The following CYP1A2 variants were observed in gnomAD, a reference collection of about 807,000 sequenced individuals.
CYP1A2 encodes cytochrome P450 1A2.
A neutral mutation model predicts 34.7 loss-of-function variants in CYP1A2; 35 were observed. That is an observed-to-expected ratio of 1.01 (90% confidence interval 0.77 to 1.34). CYP1A2 has a LOEUF of 1.34. Among genes scored for constraint, CYP1A2 ranks in the 40% most tolerant of loss-of-function variants. The probability of loss-of-function intolerance (pLI) is 0.00; values close to 1 mark genes in which losing one functional copy is unlikely to be tolerated. For synonymous variants in CYP1A2, 288 were observed against 281.9 expected, an observed-to-expected ratio of 1.02 and a Z score of -0.22; for missense variants, 675 against 675.8, an observed-to-expected ratio of 1.00 and a Z score of 0.01.
chr15:74,754,047 C>T (rs2063327702), intron 6 of CYP1A2, among the ~76,000 whole-genome samples: 1 of 151,956 alleles, frequency 6.6e-6, no homozygotes, highest in Admixed American at 6.6e-5. Context: ...GATGAAGAAA[C>T]GTATGTCTTT....
Position 74,756,477 on chromosome 15 carries a change from G to A in CYP1A2, c.*1389G>A, listed in dbSNP as rs1160747450. On this transcript the variant is annotated 3_prime_UTR_variant, in exon 7 of 7. Coordinates refer to ENST00000343932, the MANE Select transcript of CYP1A2 (RefSeq NM_000761.5). The stretch of plus-strand genomic sequence containing the variant: ...AAAAGAAACCCTGCACCCATTAGCA[G>A]TCCCTCCACATTTCCCCCTAGCCTG... 2.6e-5 allele frequency among the ~76,000 whole-genome samples: 4 copies of A among 152,076 alleles called. No individual in the cohort carries two copies. In the East Asian group the frequency reaches 5.8e-4, roughly 22 times the overall value.
At position 74,750,324 on chromosome 15, in the gene CYP1A2, G is replaced by T; in HGVS notation, c.586G>T (p.Val196Leu). 6.2e-7 allele frequency: 1 copy of T among 1,614,082 alleles called. No homozygotes were observed. The stretch of plus-strand genomic sequence containing the variant: ...CCCTTACAATCAGGTGGTGGTGTCA[G>T]TGGCCAACGTCATTGGTGCCATGTG... The part of the protein sequence containing the change: ...FDPYNQVVVS[V>L]ANVIGAMCFG... Residue 196 changes from valine (V) to leucine (L), a missense_variant, in exon 2 of 7, where the codon GTG becomes TTG. Val to Leu is a conservative substitution (Grantham distance 32). Transcript: ENST00000343932.
At chr15:74,752,690 T>C (rs546757082) in intron 5 of CYP1A2, among the ~76,000 whole-genome samples, 1 of 152,260 alleles carries the variant, frequency 6.6e-6, no homozygotes, top group East Asian at 1.9e-4. Context: ...GCTTCATTCC[T>C]GATGTCTTAT....
At position 74,752,151 on chromosome 15, in the gene CYP1A2, C is replaced by T; in HGVS notation, c.1070C>T (p.Pro357Leu). 1.9e-6 allele frequency: 3 copies of T among 1,613,982 alleles called. No individual in the cohort carries two copies. Among genetic ancestry groups the T allele is most frequent in the Admixed American group, 1.7e-5 (1 of 60,000 alleles). ...ACTGTGATTGGCAGGGAGCGGCGGCCCCGGCTCTCTGACAGACCCCAGCTG... is the reference window on the plus strand; with the variant it reads ...ACTGTGATTGGCAGGGAGCGGCGGCTCCGGCTCTCTGACAGACCCCAGCTG... ...LDTVIGRERR[P>L]RLSDRPQLPY... The change falls in exon 5 of 7, where the codon CCC becomes CTC. Residue 357 changes from proline to leucine, a missense_variant. Transcript: ENST00000343932.
intron 1 of CYP1A2, among the ~76,000 whole-genome samples, chr15:74,749,481 T>C (rs1822513282): frequency 6.6e-6 from 1 of 152,076 alleles, no homozygotes; most frequent in Non-Finnish European, 1.5e-5. Flanking sequence ...ACTGAGATGA[T>C]GTGTGGAGGA....
Position 74,755,042 on chromosome 15 carries a change from C to T in CYP1A2, c.1505C>T (p.Ala502Val). 6.2e-7 allele frequency: 1 copy of T among 1,614,012 alleles called. No homozygotes were observed. Among genetic ancestry groups the T allele is most frequent in the South Asian group, 1.1e-5 (1 of 91,092 alleles). Residue 502 changes from alanine to valine, a missense_variant, in exon 7 of 7, where the codon GCC (alanine) becomes GTC (valine). Ala to Val is a moderately conservative substitution (Grantham distance 64). Transcript: ENST00000343932. ...TPIYGLTMKHARCEHVQARLR... is the reference protein window; with the variant it reads ...TPIYGLTMKHVRCEHVQARLR... ...ATCTACGGGCTGACCATGAAGCACG[C>T]CCGCTGTGAACATGTCCAGGCGCGG...
At chr15:74,749,598 C>G in intron 1 of CYP1A2, 132 bp from the exon 2 acceptor site, 1 of 734,950 alleles carries the variant, frequency 1.4e-6, no homozygotes, top group African/African-American at 1.7e-5. Context: ...GTAGATGGAG[C>G]TTAGTCTTTC....
At chr15:74,752,305 C>A in intron 5 of CYP1A2, 58 bp downstream of exon 5, 1 of 1,601,758 alleles carries the variant, frequency 6.2e-7, no homozygotes, top group East Asian at 2.2e-5. Context: ...TTTTCTCTTC[C>A]TGGCTTCTCA....
chr15:74,755,134 C>T lies in CYP1A2; in HGVS notation c.*46C>T, dbSNP rs1187887401. ...GGCCAGGGAGCGAGTGGGGGCCAGC[C>T]ACGGGGACTCAGCCCTTGTTTCTCT... On this transcript the variant is annotated 3_prime_UTR_variant, in exon 7 of 7. Coordinates refer to ENST00000343932, the MANE Select transcript of CYP1A2 (RefSeq NM_000761.5). The T allele has an allele frequency of 3.8e-6, 6 of 1,571,236 alleles. No individual in the cohort carries two copies. The highest frequency in any genetic ancestry group is 3.5e-6 in the Non-Finnish European group (4 of 1,156,056).
In CYP1A2 at chr15:74,749,836, C is replaced by G. The variant is rs775486408; in HGVS notation, c.98C>G (p.Pro33Arg). ...TTCTGGGTGCTCAAGGGTTTGAGGC[C>G]TCGGGTCCCCAAAGGCCTGAAAAGT... The part of the protein sequence containing the change: ...LVFWVLKGLR[P>R]RVPKGLKSPP... The change falls in exon 2 of 7, where the codon CCT becomes CGT. Residue 33 changes from proline to arginine, a missense_variant. Pro to Arg is a moderately radical substitution (Grantham distance 103). Transcript: ENST00000343932. The G allele has an allele frequency of 6.2e-7, 1 of 1,605,702 alleles. No homozygotes were observed. The highest frequency in any genetic ancestry group is 1.7e-5 in the Admixed American group (1 of 59,564).
intron 2 of CYP1A2, 151 bp from the exon 3 acceptor site, chr15:74,751,038 C>T: frequency 2.0e-6 from 2 of 1,018,906 alleles, no homozygotes; most frequent in Non-Finnish European, 2.8e-6. Context: ...CTGCTACCAG[C>T]TCCTGCTGCA....
Position 74,753,194 on chromosome 15 carries a change from G to T in CYP1A2, c.1177G>T (p.Asp393Tyr). Residue 393 changes from aspartate (D) to tyrosine (Y), a missense_variant, in exon 6 of 7, where the codon GAC (aspartate) becomes TAC (tyrosine). Asp to Tyr is a radical substitution (Grantham distance 160). Coordinates refer to ENST00000343932, the MANE Select transcript of CYP1A2 (RefSeq NM_000761.5). ...PFTIPHSTTR[D>Y]TTLNGFYIPK... ...CTCTTCCCTCCTCAGCACAACAAGG[G>T]ACACAACGCTGAATGGCTTCTACAT... The T allele has an allele frequency of 6.2e-7, 1 of 1,613,538 alleles. No individual in the cohort carries two copies. The highest frequency in any genetic ancestry group is 1.1e-5 in the South Asian group (1 of 91,044).
chr15:74,750,098 C>T lies in CYP1A2; in HGVS notation c.360C>T (p.Gly120=). The change falls in exon 2 of 7, where the codon GGC becomes GGT. Residue 120 remains glycine, a synonymous_variant. Coordinates refer to ENST00000343932, the MANE Select transcript of CYP1A2 (RefSeq NM_000761.5). ...ACACCTCCACCCTCATCACTGATGG[C>T]CAGAGCTTGACCTTCAGCACAGACT... ...DLYTSTLITD[G]QSLTFSTDSG... is the part of the protein sequence containing the mutation. 6.2e-7 allele frequency: 1 copy of T among 1,614,024 alleles called. No homozygotes were observed. The highest frequency in any genetic ancestry group is 8.5e-7 in the Non-Finnish European group (1 of 1,180,036).
Position 74,755,228 on chromosome 15 carries a change from G to A in CYP1A2, c.*140G>A. The A allele has an allele frequency of 1.0e-6, 1 of 955,046 alleles. No homozygotes were observed. Among genetic ancestry groups the A allele is most frequent in the East Asian group, 2.7e-5 (1 of 37,640 alleles). 59.2% of individuals were successfully genotyped at this position (955,046 alleles called of 1,614,324 possible). On this transcript the variant is annotated 3_prime_UTR_variant, in exon 7 of 7. Coordinates refer to ENST00000343932, the MANE Select transcript of CYP1A2 (RefSeq NM_000761.5). The stretch of plus-strand genomic sequence containing the variant: ...GCCTGTAATCCCAGCATTTTAGGAG[G>A]CCAAGGTTGGAGGATCATTTGAGCC...
intron 6 of CYP1A2, 129 bp from the exon 7 acceptor site, chr15:74,754,662 C>A: frequency 2.3e-6 from 2 of 853,102 alleles, no homozygotes; most frequent in Non-Finnish European, 3.7e-6. Context: ...TTGGTTCCTT[C>A]CCACCTACCC....
Position 74,755,340 on chromosome 15 carries a change from G to T in CYP1A2, c.*252G>T. 1 of 296,126 alleles carries T rather than the reference G, an allele frequency of 3.4e-6. No individual in the cohort carries two copies. Among genetic ancestry groups the T allele is most frequent in the Non-Finnish European group, 5.8e-6 (1 of 171,274 alleles). The allele number at this position is 296,126 out of a possible 1,614,324, so 18.3% of individuals were successfully genotyped here. A position where few individuals can be genotyped will look rare whatever the true frequency, so the allele number is the denominator to read the frequency against. ...GCCAAGAGCCTGAGTGACAGAGCAA[G>T]ACCCCATCTCAAAAAAAAAAACAAA... On this transcript the variant is annotated 3_prime_UTR_variant, in exon 7 of 7. Transcript: ENST00000343932.
At position 74,750,445 on chromosome 15, in the gene CYP1A2, T is replaced by G; in HGVS notation, c.707T>G (p.Leu236Arg). The G allele has an allele frequency of 6.2e-7, 1 of 1,614,178 alleles. No individual in the cohort carries two copies. Among genetic ancestry groups the G allele is most frequent in the Non-Finnish European group, 8.5e-7 (1 of 1,180,024 alleles). ...FVETASSGNP[L>R]DFFPILRYLP... is the part of the protein sequence containing the mutation. The stretch of plus-strand genomic sequence containing the variant: ...GAGACTGCCTCCTCCGGGAACCCCC[T>G]GGACTTCTTCCCCATCCTTCGCTAC... The change falls in exon 2 of 7, where the codon CTG becomes CGG. Residue 236 changes from leucine (L) to arginine (R), a missense_variant. Leu to Arg is a moderately radical substitution (Grantham distance 102). Transcript: ENST00000343932.
In CYP1A2 at chr15:74,754,831, T is replaced by C; in HGVS notation, c.1294T>C (p.Phe432Leu). The change falls in exon 7 of 7, where the codon TTC becomes CTC. Residue 432 changes from phenylalanine to leucine, a missense_variant. Physicochemically the swap from Phe to Leu is conservative, Grantham distance 22. Transcript: ENST00000343932. Reference protein sequence around the residue: ...EDPSEFRPERFLTADGTAINK... With the variant: ...EDPSEFRPERLLTADGTAINK... Reference sequence around the variant, plus strand: ...CCCCTCTGAGTTCCGGCCTGAGCGGTTCCTCACCGCCGATGGCACTGCCAT... The same window carrying C: ...CCCCTCTGAGTTCCGGCCTGAGCGGCTCCTCACCGCCGATGGCACTGCCAT... The C allele has an allele frequency of 6.2e-7, 1 of 1,614,110 alleles. No individual in the cohort carries two copies. The highest frequency in any genetic ancestry group is 2.2e-5 in the East Asian group (1 of 44,876).
rs2063318429 is a variant in CYP1A2, at chr15:74,752,134, T to G, written c.1053T>G (p.Ile351Met). ...RKIQKELDTV[I>M]GRERRPRLSD... ...CTCTGTGTTCTACAGACACTGTGAT[T>G]GGCAGGGAGCGGCGGCCCCGGCTCT... The change falls in exon 5 of 7, where the codon ATT becomes ATG. Residue 351 changes from isoleucine to methionine, a missense_variant. Transcript: ENST00000343932. 6.2e-7 allele frequency: 1 copy of G among 1,614,028 alleles called. No homozygotes were observed. Among genetic ancestry groups the G allele is most frequent in the East Asian group, 2.2e-5 (1 of 44,882 alleles).
Sources: allele counts gnomAD v4.1 joint callset (sites outside exome capture counted in the v4.1 genomes callset), GRCh38; gene constraint gnomAD v4.1.1; transcripts MANE v1.5; gene names NCBI Gene and HGNC (gene_info 2026-07-23, HGNC 2026-07-21).